PDE10A: variants seen among roughly 807,000 people sequenced by gnomAD.
PDE10A encodes the protein phosphodiesterase 10A.
A neutral mutation model predicts 97.7 loss-of-function variants in PDE10A; 39 were observed. The ratio of observed to expected loss-of-function variants is 0.40; its 90% CI spans 0.31 to 0.52. The LOEUF (loss-of-function observed/expected upper bound fraction) is 0.52. Among genes scored for constraint, PDE10A ranks in the 20% least tolerant of loss-of-function variants. The pLI is 0.56. For missense variants in PDE10A, 731 were observed against 1,047.8 expected (o/e 0.70, Z 4.17); for synonymous variants, 371 against 376.8 (o/e 0.98, Z 0.18).
At chr6:165,562,846 TG>T (rs1284842674) in intron 1 of PDE10A, among the ~76,000 whole-genome samples, 1 of 152,122 alleles carries the variant, frequency 6.6e-6, no homozygotes, top group Non-Finnish European at 1.5e-5. Context: ...CAATGTCTGC[TG>T]ACATTATGGG....
intron 3 of PDE10A, among the ~76,000 whole-genome samples, chr6:165,458,913 G>T (rs1778126815): frequency 6.6e-6 from 1 of 151,988 alleles, no homozygotes; most frequent in Non-Finnish European, 1.5e-5. Context: ...TCCTATAAAG[G>T]ATTATGACCC....
intron 1 of PDE10A, among the ~76,000 whole-genome samples, chr6:165,834,481 G>A (rs548629879): frequency 1.7e-4 from 26 of 152,290 alleles, no homozygotes; most frequent in South Asian, 2.1e-4. Flanking sequence ...GGAGTGAGAC[G>A]ATCAGAGCCC....
At chr6:165,569,877 G>A (rs1198530251) in intron 1 of PDE10A, among the ~76,000 whole-genome samples, 1 of 152,138 alleles carries the variant, frequency 6.6e-6, no homozygotes, top group Non-Finnish European at 1.5e-5. Flanking sequence ...TGCCAAAAGT[G>A]TTTGTTTTCT....
At chr6:165,334,984 T>TC (rs2128174250) in intron 21 of PDE10A, among the ~76,000 whole-genome samples, 1 of 152,292 alleles carries the variant, frequency 6.6e-6, no homozygotes, top group African/African-American at 2.4e-5. Context: ...CCACAGGGCA[T>TC]CCACTCCAAC....
chr6:165,479,151 C>T (rs546420517), intron 3 of PDE10A, among the ~76,000 whole-genome samples: 1 of 152,228 alleles, frequency 6.6e-6, no homozygotes, highest in South Asian at 2.1e-4. Flanking sequence ...GGTTTACCCT[C>T]CCATAAACAA....
At chr6:165,554,365 C>T (rs1306990898) in intron 1 of PDE10A, among the ~76,000 whole-genome samples, 1 of 152,070 alleles carries the variant, frequency 6.6e-6, no homozygotes, top group South Asian at 2.1e-4. Flanking sequence ...TTTAAATAGA[C>T]ATTTCTCAAA....
chr6:165,956,750 G>A (rs189054052), intron 1 of PDE10A, among the ~76,000 whole-genome samples: 2 of 152,322 alleles, frequency 1.3e-5, no homozygotes, highest in East Asian at 1.9e-4. Context: ...CTGACATGTG[G>A]AGCACAGGAA....
At chr6:165,691,073 CTT>C (rs201710591) in intron 1 of PDE10A, among the ~76,000 whole-genome samples, 4,827 of 85,916 alleles carry the variant, frequency 0.056, 371 homozygotes, top group East Asian at 0.21. Context: ...CTCTCTCTCT[CTT>C]TCTCTCTCTC....
chr6:165,797,574 A>G (rs1160990473), intron 1 of PDE10A, among the ~76,000 whole-genome samples: 1 of 152,216 alleles, frequency 6.6e-6, no homozygotes, highest in Non-Finnish European at 1.5e-5. Flanking sequence ...CCCTCTTAGT[A>G]TTATAATACT....
intron 1 of PDE10A, among the ~76,000 whole-genome samples, chr6:165,588,870 G>A (rs1040473930): frequency 6.6e-6 from 1 of 151,988 alleles, no homozygotes; most frequent in Admixed American, 6.6e-5. Context: ...TGTTAAATGA[G>A]GTAATTAATG....
chr6:165,389,108 G>A (rs138494958), intron 16 of PDE10A, among the ~76,000 whole-genome samples: 86 of 152,262 alleles, frequency 5.6e-4, no homozygotes, highest in Non-Finnish European at 9.0e-4. Flanking sequence ...ACTTGAAGGC[G>A]AGTGTGCCCT....
chr6:165,635,523 G>A (rs1334833511), intron 1 of PDE10A, among the ~76,000 whole-genome samples: 1 of 152,208 alleles, frequency 6.6e-6, no homozygotes, highest in African/African-American at 2.4e-5. Context: ...GACCATCACA[G>A]CGGATTTGGA....
intron 5 of PDE10A, among the ~76,000 whole-genome samples, chr6:165,446,386 T>TA (rs1001597588): frequency 6.6e-6 from 1 of 152,088 alleles, no homozygotes; most frequent in African/African-American, 2.4e-5. Flanking sequence ...TAGATACATC[T>TA]AAAAAAACAC....
chr6:165,858,333 G>A lies in PDE10A; in HGVS notation c.-615+129196C>T, dbSNP rs143324947. Among the ~76,000 whole-genome samples, 571 of 152,268 alleles carry A rather than the reference G, an allele frequency of 3.7e-3. 7 individuals are homozygous for A. Among genetic ancestry groups the A allele is most frequent in the African/African-American group, 0.013 (547 of 41,554 alleles). ...TGTGCTGTTTTGAGGGAGTGCTCCCGACTAAGAAGCCCCTCAGGGGAGGCA... is the reference window on the plus strand; with the variant it reads ...TGTGCTGTTTTGAGGGAGTGCTCCCAACTAAGAAGCCCCTCAGGGGAGGCA... On this transcript the variant is annotated intron_variant, in intron 1 of 19. Transcript: ENST00000366882.
chr6:165,877,668 A>T (rs1028468878), intron 1 of PDE10A, among the ~76,000 whole-genome samples: 3 of 152,296 alleles, frequency 2.0e-5, no homozygotes, highest in South Asian at 2.1e-4. Context: ...TGGGATACTT[A>T]AAAAAATCTT....
intron 6 of PDE10A, among the ~76,000 whole-genome samples, chr6:165,433,762 T>C (rs1320330349): frequency 1.3e-5 from 2 of 152,076 alleles, no homozygotes; most frequent in Admixed American, 6.6e-5. Context: ...AAGCCTGTAA[T>C]CCCAGCACTT....
At chr6:165,531,079 A>AAACTCTGGT (rs1782749274) in intron 2 of PDE10A, among the ~76,000 whole-genome samples, 6 of 151,786 alleles carry the variant, frequency 4.0e-5, no homozygotes, top group Non-Finnish European at 1.5e-5. Flanking sequence ...AATCAACTCT[A>AAACTCTGGT]GTCATTCTTT....
In PDE10A at chr6:165,662,712, G is replaced by A. The variant is rs1326068934; in HGVS notation, c.100C>T (p.Pro34Ser). Residue 34 changes from proline to serine, a missense_variant, in exon 1 of 22, where the codon CCC becomes TCC. Transcript: ENST00000539869. The stretch of plus-strand genomic sequence containing the variant: ...CCCCCGCCGGCCGCGCTGAGCCGGG[G>A]TTCCGGGCGGAGTTTGCCGGGGCCG... Reference protein sequence around the residue: ...GCGPGKLRPEPRLSAAGGGSA... With the variant: ...GCGPGKLRPESRLSAAGGGSA... 1.4e-5 allele frequency among the ~76,000 whole-genome samples: 2 copies of A among 147,238 alleles called. No individual in the cohort carries two copies. Among genetic ancestry groups the A allele is most frequent in the Non-Finnish European group, 3.0e-5 (2 of 66,230 alleles).
chr6:165,804,683 C>A (rs1169281187), intron 1 of PDE10A, among the ~76,000 whole-genome samples: 4 of 151,842 alleles, frequency 2.6e-5, no homozygotes, highest in Admixed American at 6.6e-5. Flanking sequence ...AGCGCGTGGT[C>A]GCGAAGGGGA....
Sources: gnomAD v4.1 joint callset for allele counts (sites outside exome capture counted in the v4.1 genomes callset) on GRCh38, gnomAD v4.1.1 for gene constraint, MANE v1.5 for transcripts, NCBI Gene and HGNC (gene_info 2026-07-23, HGNC 2026-07-21) for gene names.